The following SMCHD1 variants were observed in gnomAD, a reference collection of about 807,000 sequenced individuals.
SMCHD1 encodes structural maintenance of chromosomes flexible hinge domain containing 1.
Under a neutral mutation model 254.7 loss-of-function variants are expected in SMCHD1, and 78 were observed. The ratio of observed to expected loss-of-function variants is 0.31; its 90% CI spans 0.26 to 0.37. SMCHD1 has a LOEUF of 0.37. SMCHD1 is among the 10% of genes least tolerant of loss of function. The pLI is 1.00. For synonymous variants in SMCHD1, 766 were observed against 794.9 expected (o/e 0.96, Z 0.61); for missense variants, 1,840 against 2,408.1 (o/e 0.76, Z 4.94).
At chr18:2,728,359 A>C in intron 22 of SMCHD1, 98 bp from the exon 23 acceptor site, 3 of 1,201,712 alleles carry the variant, frequency 2.5e-6, no homozygotes, top group Middle Eastern at 5.6e-4. Flanking sequence ...ATATTTATAA[A>C]ATATTAAGTC....
intron 47 of SMCHD1, among the ~76,000 whole-genome samples, chr18:2,799,180 AATAG>A (rs993642920): frequency 6.6e-6 from 1 of 152,220 alleles, no homozygotes; most frequent in Non-Finnish European, 1.5e-5. Context: ...TAATTTTAAT[AATAG>A]ATATTATTGA....
At chr18:2,774,422 C>CT in intron 41 of SMCHD1, among the ~76,000 whole-genome samples, 1 of 151,870 alleles carries the variant, frequency 6.6e-6, no homozygotes, top group Non-Finnish European at 1.5e-5. Flanking sequence ...TGTTTTTTGG[C>CT]TTTTTTTGAG....
chr18:2,786,893 A>G (rs1415887229), intron 45 of SMCHD1, among the ~76,000 whole-genome samples: 1 of 152,186 alleles, frequency 6.6e-6, no homozygotes, highest in African/African-American at 2.4e-5. Flanking sequence ...AACACTATGC[A>G]TGTAGTTCAT....
chr18:2,730,406 G>T (rs149013711), intron 24 of SMCHD1, among the ~76,000 whole-genome samples: 1 of 152,038 alleles, frequency 6.6e-6, no homozygotes, highest in Non-Finnish European at 1.5e-5. Context: ...TCCTGAGCTC[G>T]TGATCCACCC....
intron 22 of SMCHD1, 191 bp from the exon 23 acceptor site, chr18:2,728,266 A>G: frequency 3.7e-6 from 2 of 535,468 alleles, no homozygotes; most frequent in Non-Finnish European, 6.5e-6. Context: ...CAATTGAGAT[A>G]AGTCTTGTCA....
At chr18:2,705,934 G>A (rs971821034) in intron 14 of SMCHD1, 127 bp downstream of exon 14, 3 of 538,588 alleles carry the variant, frequency 5.6e-6, no homozygotes, top group South Asian at 3.1e-5. Flanking sequence ...TTTTTGTGTG[G>A]ATTTTTATGT....
chr18:2,786,307 T>G (rs1350541654), intron 45 of SMCHD1, among the ~76,000 whole-genome samples: 2 of 149,272 alleles, frequency 1.3e-5, no homozygotes, highest in Admixed American at 1.4e-4. Context: ...TTGCTTTTAT[T>G]AAAGTAAAAT....
At chr18:2,700,383 T>C (rs1471472669) in intron 10 of SMCHD1, among the ~76,000 whole-genome samples, 156 bp from the exon 11 acceptor site, 1 of 152,246 alleles carries the variant, frequency 6.6e-6, no homozygotes, top group Non-Finnish European at 1.5e-5. Context: ...GCATTCGTAA[T>C]GTGGAACCAC....
intron 17 of SMCHD1, among the ~76,000 whole-genome samples, chr18:2,710,043 T>A (rs1288902435): frequency 6.6e-6 from 1 of 152,234 alleles, no homozygotes; most frequent in Non-Finnish European, 1.5e-5. Flanking sequence ...CTGTTGTTAT[T>A]ACTTTGATCC....
intron 19 of SMCHD1, 55 bp from the exon 20 acceptor site, chr18:2,722,464 A>G (rs1015290445): frequency 3.6e-5 from 53 of 1,490,098 alleles, no homozygotes; most frequent in African/African-American, 8.4e-5. Flanking sequence ...TTGACCCCCA[A>G]TGGCTTTTCT....
chr18:2,790,160 C>T (rs1420544078), intron 45 of SMCHD1, among the ~76,000 whole-genome samples: 4 of 152,184 alleles, frequency 2.6e-5, no homozygotes, highest in African/African-American at 4.8e-5. Flanking sequence ...CCAGCCTGGG[C>T]AACAGAGCGA....
intron 8 of SMCHD1, 22 bp downstream of exon 8, chr18:2,694,715 AG>A (rs1367899005): frequency 6.2e-7 from 1 of 1,601,458 alleles, no homozygotes; most frequent in Non-Finnish European, 8.5e-7. Flanking sequence ...TATTTGGCTT[AG>A]GAAATGTTGC....
rs993403802 is a variant in SMCHD1, at chr18:2,763,084, G to A, written c.4567-553G>A. On this transcript the variant is annotated intron_variant, in intron 36 of 47. Transcript: ENST00000320876. The stretch of plus-strand genomic sequence containing the variant: ...TCATGGAAAATTTGGTTGGTGGGAT[G>A]CTTGTCTACTTTCAGTTTATTTTCC... Among the ~76,000 whole-genome samples, 8 of 152,306 alleles carry A rather than the reference G, an allele frequency of 5.3e-5. No homozygotes were observed. The East Asian group carries it at 1.5e-3, about 29-fold the overall frequency.
chr18:2,785,278 A>C (rs1771358431), intron 45 of SMCHD1, among the ~76,000 whole-genome samples: 1 of 152,202 alleles, frequency 6.6e-6, no homozygotes, highest in Non-Finnish European at 1.5e-5. Flanking sequence ...CTTTCCTAAC[A>C]CAGAGCAGTT....
intron 5 of SMCHD1, among the ~76,000 whole-genome samples, chr18:2,677,490 C>T (rs995980541): frequency 6.6e-6 from 1 of 152,094 alleles, no homozygotes; most frequent in Non-Finnish European, 1.5e-5. Context: ...TTAAAGCATA[C>T]TGTTCAGTAG....
At chr18:2,797,177 T>C (rs1308193472) in intron 47 of SMCHD1, among the ~76,000 whole-genome samples, 1 of 152,192 alleles carries the variant, frequency 6.6e-6, no homozygotes, top group African/African-American at 2.4e-5. Context: ...CATTTGTAAA[T>C]CACTTATTTT....
At chr18:2,736,044 C>G (rs552583445) in intron 25 of SMCHD1, among the ~76,000 whole-genome samples, 1 of 152,152 alleles carries the variant, frequency 6.6e-6, no homozygotes, top group African/African-American at 2.4e-5. Flanking sequence ...CAGCATGCTA[C>G]TGGTACAAAA....
intron 9 of SMCHD1, among the ~76,000 whole-genome samples, 196 bp from the exon 10 acceptor site, chr18:2,697,635 T>G (rs529487984): frequency 6.6e-6 from 1 of 152,310 alleles, no homozygotes; most frequent in African/African-American, 2.4e-5. Context: ...TACTTTATAT[T>G]TTTTAGTAGT....
intron 34 of SMCHD1, among the ~76,000 whole-genome samples, chr18:2,755,267 C>T (rs1299330441): frequency 6.6e-6 from 1 of 152,026 alleles, no homozygotes; most frequent in East Asian, 1.9e-4. Flanking sequence ...GTTGTCTGGG[C>T]TTGTCTTAAA....
Sources: allele counts gnomAD v4.1 joint callset (sites outside exome capture counted in the v4.1 genomes callset), GRCh38; gene constraint gnomAD v4.1.1; transcripts MANE v1.5; gene names NCBI Gene and HGNC (gene_info 2026-07-23, HGNC 2026-07-21).